Variants in TTLL9 observed in about 807,000 individuals in gnomAD.
The protein encoded by TTLL9 is tubulin tyrosine ligase like 9.
A neutral mutation model predicts 65.6 loss-of-function variants in TTLL9; 47 were observed. The observed-to-expected ratio is 0.72, with a 90% CI of 0.57 to 0.91. The LOEUF is 0.91. Among genes scored for constraint, TTLL9 ranks in the 40% least tolerant of loss-of-function variants. The pLI is 0.00. For missense variants in TTLL9, 537 were observed against 568.8 expected (o/e 0.94, Z 0.57); for synonymous variants, 179 against 204.8 (o/e 0.87, Z 1.07).
chr20:31,925,821 C>T, intron 9 of TTLL9: 1 of 1,484,212 alleles, frequency 6.7e-7, no homozygotes, highest in Non-Finnish European at 9.2e-7. Context: ...TGTGAGAGTG[C>T]CTGTATATAT....
intron 2 of TTLL9, among the ~76,000 whole-genome samples, chr20:31,878,530 A>G (rs1259414093): frequency 1.3e-5 from 2 of 152,240 alleles, no homozygotes; most frequent in African/African-American, 2.4e-5. Flanking sequence ...ATCCAGTACT[A>G]TTTGCAGCAG....
intron 10 of TTLL9, among the ~76,000 whole-genome samples, chr20:31,932,760 G>A (rs959017112): frequency 1.3e-5 from 2 of 152,102 alleles, no homozygotes; most frequent in African/African-American, 4.8e-5. Flanking sequence ...CACTCTGGAG[G>A]CCGAGGCGGG....
At chr20:31,905,410 T>A (rs2063539991) in intron 4 of TTLL9, among the ~76,000 whole-genome samples, 1 of 152,094 alleles carries the variant, frequency 6.6e-6, no homozygotes, top group Admixed American at 6.5e-5. Flanking sequence ...TTTCCATCAG[T>A]TCTTGAAACC....
chr20:31,915,698 G>A (rs895220154), intron 6 of TTLL9, among the ~76,000 whole-genome samples: 1 of 151,766 alleles, frequency 6.6e-6, no homozygotes, highest in East Asian at 1.9e-4. Context: ...CTGTCTGTTC[G>A]CTGGTTCTCT....
At chr20:31,914,463 G>A (rs2063703577) in intron 6 of TTLL9, among the ~76,000 whole-genome samples, 1 of 152,084 alleles carries the variant, frequency 6.6e-6, no homozygotes, top group Admixed American at 6.6e-5. Flanking sequence ...AAAGAATTGT[G>A]GTTTTAAAAA....
At chr20:31,898,722 C>T (rs1161244184) in intron 4 of TTLL9, among the ~76,000 whole-genome samples, 157 bp downstream of exon 4, 2 of 152,258 alleles carry the variant, frequency 1.3e-5, no homozygotes, top group African/African-American at 4.8e-5. Flanking sequence ...GGCACATTAT[C>T]ACTATCATCT....
chr20:31,928,332 A>G (rs2063944610), intron 10 of TTLL9, among the ~76,000 whole-genome samples: 1 of 152,104 alleles, frequency 6.6e-6, no homozygotes, highest in Non-Finnish European at 1.5e-5. Flanking sequence ...AATAGAAAAT[A>G]ATTTTCTATA....
rs1391682833 is a variant in TTLL9, at chr20:31,890,093, T to C, written c.113+2854T>C. ...CTTGCTTTCTTGCTTTCTTGCTTTC[T>C]TTCCCTCCCTTCCTTCCTTCCTTCC... On this transcript the variant is annotated intron_variant, in intron 3 of 14. Coordinates refer to ENST00000535842, the MANE Select transcript of TTLL9 (RefSeq NM_001008409.5). Among the ~76,000 whole-genome samples the C allele has an allele frequency of 2.8e-3, 321 of 116,490 alleles. 3 individuals are homozygous for C. The highest frequency in any genetic ancestry group is 0.01 in the African/African-American group (273 of 26,178). 76.4% of individuals were successfully genotyped at this position (116,490 alleles called of 152,430 possible).
At chr20:31,880,496 CT>C (rs781656694) in intron 2 of TTLL9, among the ~76,000 whole-genome samples, 309 of 142,788 alleles carry the variant, frequency 2.2e-3, no homozygotes, top group Non-Finnish European at 2.0e-3. Flanking sequence ...CCCCAACCGA[CT>C]TTTTTTTTTT....
intron 3 of TTLL9, among the ~76,000 whole-genome samples, chr20:31,888,144 A>G (rs1311913126): frequency 6.6e-6 from 1 of 152,118 alleles, no homozygotes; most frequent in Non-Finnish European, 1.5e-5. Context: ...TCGGCCTCCC[A>G]AAGTGTTGGG....
At chr20:31,871,868 A>C (rs1190167097) in intron 2 of TTLL9, among the ~76,000 whole-genome samples, 4 of 152,218 alleles carry the variant, frequency 2.6e-5, no homozygotes, top group African/African-American at 9.7e-5. Context: ...AAAAAGTAGA[A>C]ACAAGTTAAT....
Position 31,898,709 on chromosome 20 carries a change from C to T in TTLL9, c.206+144C>T, listed in dbSNP as rs747942259. 1.1e-4 allele frequency: 69 copies of T among 643,502 alleles called. 1 individual carries two copies. Among genetic ancestry groups the T allele is most frequent in the Admixed American group, 4.1e-4 (15 of 36,146 alleles). The allele number at this position is 643,502 out of a possible 1,614,324, so 39.9% of individuals were successfully genotyped here. A position where few individuals can be genotyped will look rare whatever the true frequency, so the allele number is the denominator to read the frequency against. ...ACATTTATTTAGCACCCACAATGTG[C>T]CAGGCACATTATCACTATCATCTCT... is the stretch of plus-strand genomic sequence containing the variant. On this transcript the variant is annotated intron_variant, in intron 4 of 14. Transcript: ENST00000535842.
rs1194849951 is a variant in TTLL9 at position 31,922,974 on chromosome 20, C to T, written c.585C>T (p.Ser195=). Residue 195 remains serine, a synonymous_variant, in exon 8 of 15, where the codon AGC becomes AGT. Transcript: ENST00000535842. Reference sequence around the variant, plus strand: ...ATTATTACAACTAGGACACAAGAAGCTCTGACGACCAGAAAGATGATATTC... The same window carrying T: ...ATTATTACAACTAGGACACAAGAAGTTCTGACGACCAGAAAGATGATATTC... ...DIVDWRKDTR[S]SDDQKDDIPV... The T allele has an allele frequency of 5.0e-6, 8 of 1,613,210 alleles. No homozygotes were observed. Among genetic ancestry groups the T allele is most frequent in the Admixed American group, 1.7e-5 (1 of 60,002 alleles).
chr20:31,884,198 T>G, intron 2 of TTLL9: 1 of 413,992 alleles, frequency 2.4e-6, no homozygotes, highest in Non-Finnish European at 4.4e-6. Context: ...TTTAAAGCAC[T>G]AACTTATTAC....
At chr20:31,922,872 T>G (rs2063832997) in intron 7 of TTLL9, 91 bp from the exon 8 acceptor site, 19 of 1,008,954 alleles carry the variant, frequency 1.9e-5, no homozygotes, top group South Asian at 2.7e-5. Flanking sequence ...AAAGATTCAG[T>G]GAGCTACCCA....
intron 10 of TTLL9, among the ~76,000 whole-genome samples, chr20:31,931,499 C>A (rs941775970): frequency 6.6e-6 from 1 of 152,256 alleles, no homozygotes; most frequent in Non-Finnish European, 1.5e-5. Flanking sequence ...AGGTCTTGAA[C>A]TCCTGGACTC....
intron 2 of TTLL9, among the ~76,000 whole-genome samples, chr20:31,885,078 A>G (rs139699112): frequency 1.4e-3 from 211 of 152,340 alleles, no homozygotes; most frequent in African/African-American, 4.6e-3. Context: ...TAATGGAGAG[A>G]CCATATTATT....
rs112268533 is a variant in TTLL9 at position 31,883,729 on chromosome 20, T to TA, written c.70-3457dup. ...ATAAGAAAAGATGTTTTAAATAAGTTAAAAAAAAAAGCCTGTTCATGATAA... is the reference window on the plus strand; with the variant it reads ...ATAAGAAAAGATGTTTTAAATAAGTTAAAAAAAAAAAGCCTGTTCATGATAA... On this transcript the variant is annotated intron_variant, in intron 2 of 14. Transcript: ENST00000535842. 4.2e-3 allele frequency among the ~76,000 whole-genome samples: 619 copies of TA among 146,514 alleles called. 3 individuals carry two copies. The highest frequency in any genetic ancestry group is 0.013 in the African/African-American group (526 of 39,934).
At chr20:31,873,453 A>C (rs2062967146) in intron 2 of TTLL9, among the ~76,000 whole-genome samples, 1 of 152,066 alleles carries the variant, frequency 6.6e-6, no homozygotes, top group African/African-American at 2.4e-5. Flanking sequence ...GTTGGAGACC[A>C]GCCTGGGCAA....
Sources: gnomAD v4.1 joint callset for allele counts (sites outside exome capture counted in the v4.1 genomes callset) on GRCh38, gnomAD v4.1.1 for gene constraint, MANE v1.5 for transcripts, NCBI Gene and HGNC (gene_info 2026-07-23, HGNC 2026-07-21) for gene names.